Variants in FHDC1 observed in about 807,000 individuals in gnomAD.
FHDC1 encodes the protein FH2 domain-containing protein 1.
Under a neutral mutation model 52.6 loss-of-function variants are expected in FHDC1, and 25 were observed. That is an observed-to-expected ratio of 0.48 (90% CI 0.35 to 0.66). The LOEUF is 0.66. Ranked by LOEUF, FHDC1 falls within the 30% of genes least tolerant of loss-of-function variation. FHDC1 has a pLI of 0.01. For synonymous variants in FHDC1, 616 were observed against 581.5 expected (o/e 1.06, Z -0.85); for missense variants, 1,459 against 1,452.8 (o/e 1.00, Z -0.07).
At chr4:152,949,103 TAATAATAATAATAATAATAATAAG>T (rs1219872968) in intron 2 of FHDC1, among the ~76,000 whole-genome samples, 5 of 61,036 alleles carry the variant, frequency 8.2e-5, no homozygotes, top group African/African-American at 2.6e-4. Context: ...ATAATAATAA[TAATAATAATAATAATAATAATAAG>T]AAGAAGAAGA....
At chr4:152,924,204 T>G in the FHDC1 span, among the ~76,000 whole-genome samples, 1 of 151,044 alleles carries the variant, frequency 6.6e-6, no homozygotes, top group African/African-American at 2.4e-5. Flanking sequence ...GCCAAGGACA[T>G]GAACAGACAC....
intron 9 of FHDC1, among the ~76,000 whole-genome samples, chr4:152,965,244 A>G (rs2149955149): frequency 6.6e-6 from 1 of 152,214 alleles, no homozygotes; most frequent in East Asian, 1.9e-4. Flanking sequence ...AATAATTTCA[A>G]ATCCCTCCAC....
chr4:152,957,882 GT>G (rs1418094691), intron 4 of FHDC1, among the ~76,000 whole-genome samples: 1 of 152,156 alleles, frequency 6.6e-6, no homozygotes, highest in Admixed American at 6.5e-5. Flanking sequence ...CTCTGGGAGT[GT>G]GTTCTTGTCC....
chr4:152,931,297 T>G, the FHDC1 span, among the ~76,000 whole-genome samples: 1 of 152,258 alleles, frequency 6.6e-6, no homozygotes, highest in East Asian at 1.9e-4. Context: ...GGTTTGAATG[T>G]TATAACAGCC....
chr4:152,966,963 T>A (rs985910092), intron 9 of FHDC1, among the ~76,000 whole-genome samples: 2 of 151,930 alleles, frequency 1.3e-5, no homozygotes, highest in African/African-American at 4.8e-5. Flanking sequence ...CTACAAAAAA[T>A]TTAAAAATTA....
intron 1 of FHDC1, among the ~76,000 whole-genome samples, chr4:152,937,439 G>A (rs1031803587): frequency 4.6e-5 from 7 of 152,054 alleles, no homozygotes; most frequent in African/African-American, 1.7e-4. Context: ...GGGGGGCGTG[G>A]CGTGGGGAGC....
At chr4:152,912,446 T>A in the FHDC1 span, 1 of 152,182 alleles carries the variant, frequency 6.6e-6, no homozygotes, top group Non-Finnish European at 1.5e-5. Context: ...ATCTTTGCAC[T>A]TTTACTTACT....
chr4:152,926,301 CACAA>C, the FHDC1 span, among the ~76,000 whole-genome samples: 391 of 139,998 alleles, frequency 2.8e-3, 2 homozygotes, highest in African/African-American at 8.5e-3. Flanking sequence ...CACACACACA[CACAA>C]ACAATACACA....
intron 6 of FHDC1, among the ~76,000 whole-genome samples, chr4:152,961,944 T>C (rs1281459760): frequency 6.6e-6 from 1 of 152,232 alleles, no homozygotes; most frequent in Non-Finnish European, 1.5e-5. Context: ...ACATTTCTTA[T>C]CTGGTCATCC....
chr4:152,949,915 C>T (rs538471574), intron 2 of FHDC1, among the ~76,000 whole-genome samples: 1 of 152,324 alleles, frequency 6.6e-6, no homozygotes, highest in Admixed American at 6.5e-5. Flanking sequence ...GAAGAGGTAA[C>T]GAACTCTGCA....
chr4:152,973,868 T>C (rs1300289064), intron 11 of FHDC1, among the ~76,000 whole-genome samples: 1 of 152,228 alleles, frequency 6.6e-6, no homozygotes, highest in Non-Finnish European at 1.5e-5. Flanking sequence ...CTTGCTCTGG[T>C]GCAGTTTCGA....
At chr4:152,960,881 T>C (rs533371393) in intron 6 of FHDC1, 37 bp downstream of exon 6, 5 of 1,488,132 alleles carry the variant, frequency 3.4e-6, no homozygotes, top group South Asian at 2.6e-5. Flanking sequence ...AATTTGTTTT[T>C]ATTAATTTCG....
chr4:152,936,085 G>A (rs541937980), upstream of FHDC1, among the ~76,000 whole-genome samples: 1 of 152,038 alleles, frequency 6.6e-6, no homozygotes, highest in Admixed American at 6.5e-5. Flanking sequence ...CTTCGGGTGC[G>A]GGAAGCAGTG....
chr4:152,930,962 A>AACACACACACACACAC, the FHDC1 span, among the ~76,000 whole-genome samples: 2 of 104,744 alleles, frequency 1.9e-5, no homozygotes, highest in Non-Finnish European at 4.0e-5. Context: ...TCCCCAGGGA[A>AACACACACACACACAC]ACACACACAC....
At chr4:152,957,181 G>A (rs892219781) in intron 4 of FHDC1, among the ~76,000 whole-genome samples, 38 of 152,196 alleles carry the variant, frequency 2.5e-4, no homozygotes, top group African/African-American at 8.4e-4. Context: ...ACATTACCAC[G>A]TGGCTCTCAG....
At chr4:152,946,984 C>T (rs1028285821) in intron 2 of FHDC1, among the ~76,000 whole-genome samples, 1 of 151,918 alleles carries the variant, frequency 6.6e-6, no homozygotes, top group Admixed American at 6.6e-5. Flanking sequence ...TGTGGGAGGT[C>T]GAGGCAGGCA....
At chr4:152,928,079 C>T in the FHDC1 span, 6 of 1,351,994 alleles carry the variant, frequency 4.4e-6, no homozygotes, top group East Asian at 2.3e-5. Flanking sequence ...TATCAGCATC[C>T]TCCCAGGCCT....
intron 9 of FHDC1, 127 bp downstream of exon 9, chr4:152,965,102 T>G (rs934501290): frequency 5.9e-6 from 5 of 848,786 alleles, no homozygotes; most frequent in Non-Finnish European, 9.1e-6. Context: ...CAGACTGTCC[T>G]TCATTTGCTT....
chr4:152,967,898 C>T, intron 9 of FHDC1, 82 bp from the exon 10 acceptor site: 3 of 987,474 alleles, frequency 3.0e-6, no homozygotes, highest in Non-Finnish European at 3.1e-6. Context: ...CAAGGTTGAA[C>T]AACAGTTAGT....
Sources: allele counts gnomAD v4.1 joint callset (sites outside exome capture counted in the v4.1 genomes callset), GRCh38; gene constraint gnomAD v4.1.1; transcripts MANE v1.5; gene names NCBI Gene and HGNC (gene_info 2026-07-23, HGNC 2026-07-21).